TENM4: variants seen among roughly 807,000 people sequenced by gnomAD.
The protein encoded by TENM4 is teneurin transmembrane protein 4, also known as teneurin-4.
A neutral mutation model predicts 243.3 loss-of-function variants in TENM4; 82 were observed. That is an observed-to-expected ratio of 0.34 (90% confidence interval 0.28 to 0.40). TENM4 has a LOEUF of 0.40. Ranked by LOEUF, TENM4 falls within the 10% of genes least tolerant of loss-of-function variation. TENM4 has a pLI of 1.00. For synonymous variants in TENM4, 1,412 were observed against 1,456.3 expected (o/e 0.97, Z 0.69); for missense variants, 3,138 against 3,673.3 (o/e 0.85, Z 3.77).
intron 3 of TENM4, among the ~76,000 whole-genome samples, chr11:79,154,973 A>G (rs1019469717): frequency 2.3e-4 from 35 of 152,148 alleles, no homozygotes; most frequent in African/African-American, 7.7e-4. Context: ...GAATGAGTGC[A>G]TTTCCATGCA....
intron 2 of TENM4, among the ~76,000 whole-genome samples, chr11:79,281,177 A>G (rs1297789212): frequency 6.6e-6 from 1 of 152,130 alleles, no homozygotes; most frequent in Non-Finnish European, 1.5e-5. Context: ...ACTCCTTAGC[A>G]CCTTTGATAT....
intron 4 of TENM4, among the ~76,000 whole-genome samples, chr11:79,111,891 ATT>A (rs1591291230): frequency 1.3e-5 from 2 of 152,330 alleles, no homozygotes; most frequent in East Asian, 3.9e-4. Context: ...GCTTGAAAGA[ATT>A]TATTAGATGA....
chr11:78,787,220 T>A, intron 15 of TENM4, 137 bp from the exon 16 acceptor site: 1 of 1,031,260 alleles, frequency 9.7e-7, no homozygotes, highest in Non-Finnish European at 1.4e-6. Flanking sequence ...CACACTTGGC[T>A]ACATACCTGG....
At chr11:78,964,110 T>C (rs1857392721) in intron 6 of TENM4, among the ~76,000 whole-genome samples, 1 of 150,178 alleles carries the variant, frequency 6.7e-6, no homozygotes, top group Non-Finnish European at 1.5e-5. Flanking sequence ...TGGTGTGATC[T>C]TGGCTCACTG....
At chr11:78,832,849 C>T (rs1858014310) in intron 12 of TENM4, among the ~76,000 whole-genome samples, 1 of 152,222 alleles carries the variant, frequency 6.6e-6, no homozygotes, top group Admixed American at 6.5e-5. Flanking sequence ...GGAAAGGCTG[C>T]TAAATTGTCG....
chr11:78,890,442 G>A (rs755333778), intron 8 of TENM4, among the ~76,000 whole-genome samples: 5 of 152,202 alleles, frequency 3.3e-5, no homozygotes, highest in Admixed American at 6.5e-5. Flanking sequence ...GAGATAATGA[G>A]ACTTAAAATT....
At chr11:79,431,233 T>C (rs1859162462) in intron 1 of TENM4, among the ~76,000 whole-genome samples, 1 of 152,238 alleles carries the variant, frequency 6.6e-6, no homozygotes, top group African/African-American at 2.4e-5. Flanking sequence ...GTATAGTGTT[T>C]AGTATTTTTT....
At chr11:78,867,591 T>C (rs1859014632) in intron 9 of TENM4, among the ~76,000 whole-genome samples, 1 of 152,222 alleles carries the variant, frequency 6.6e-6, no homozygotes, top group Non-Finnish European at 1.5e-5. Context: ...GAAATACATA[T>C]GATCGAGTGG....
At chr11:79,212,322 T>C (rs1863969758) in intron 3 of TENM4, among the ~76,000 whole-genome samples, 1 of 152,210 alleles carries the variant, frequency 6.6e-6, no homozygotes, top group South Asian at 2.1e-4. Context: ...AGCACCCATT[T>C]TCTTGTCACC....
intron 4 of TENM4, among the ~76,000 whole-genome samples, chr11:79,130,767 G>A (rs1272109767): frequency 6.6e-6 from 1 of 152,120 alleles, no homozygotes; most frequent in Admixed American, 6.5e-5. Context: ...AGCTTGCAGT[G>A]AGCCGAGATT....
intron 3 of TENM4, among the ~76,000 whole-genome samples, chr11:79,215,249 T>C (rs2135225065): frequency 6.6e-6 from 1 of 152,312 alleles, no homozygotes; most frequent in South Asian, 2.1e-4. Flanking sequence ...TTTCATTGCT[T>C]TTCTGCACAG....
chr11:79,193,661 C>T (rs1863563770), intron 3 of TENM4, among the ~76,000 whole-genome samples: 1 of 152,186 alleles, frequency 6.6e-6, no homozygotes, highest in Admixed American at 6.5e-5. Context: ...TGACACTTAC[C>T]AAAGAGTGAA....
intron 1 of TENM4, among the ~76,000 whole-genome samples, chr11:79,350,393 A>G (rs1857394443): frequency 6.7e-6 from 1 of 150,358 alleles, no homozygotes; most frequent in Non-Finnish European, 1.5e-5. Flanking sequence ...CTTGCCCAGA[A>G]TACTGTCACA....
At position 79,194,163 on chromosome 11, in the gene TENM4, G is replaced by A. The variant is rs544240725; in HGVS notation, c.-163+21645C>T. Among the ~76,000 whole-genome samples, 21 of 151,906 alleles carry A rather than the reference G, an allele frequency of 1.4e-4. No homozygotes were observed. In the East Asian group the frequency reaches 3.7e-3, roughly 27 times the overall value. On this transcript the variant is annotated intron_variant, in intron 3 of 33. Coordinates refer to ENST00000278550, the MANE Select transcript of TENM4 (RefSeq NM_001098816.3). ...CTCTTGCTGCCGCCACGTTAGAAGC[G>A]CCTTTTGCCTCCCACCATGATTCTG...
chr11:79,164,090 TGTATATATA>T (rs1301498413), intron 3 of TENM4, among the ~76,000 whole-genome samples: 17 of 114,142 alleles, frequency 1.5e-4, no homozygotes, highest in South Asian at 5.1e-4. Flanking sequence ...ATATATACTA[TGTATATATA>T]GTATATATAC....
chr11:79,259,961 G>A (rs182704283), intron 2 of TENM4, among the ~76,000 whole-genome samples: 14 of 152,308 alleles, frequency 9.2e-5, no homozygotes, highest in African/African-American at 3.1e-4. Context: ...GCTATGTGAT[G>A]CAGGAAACTG....
At chr11:78,771,367 A>G (rs1156793946) in intron 17 of TENM4, among the ~76,000 whole-genome samples, 3 of 152,214 alleles carry the variant, frequency 2.0e-5, no homozygotes, top group Non-Finnish European at 4.4e-5. Context: ...CAGAAGCGGC[A>G]GGGACAGGGC....
intron 6 of TENM4, among the ~76,000 whole-genome samples, chr11:79,028,977 C>T (rs1859157216): frequency 6.6e-6 from 1 of 152,144 alleles, no homozygotes; most frequent in Non-Finnish European, 1.5e-5. Flanking sequence ...CCTAAAGAGT[C>T]TTGAGAAATT....
chr11:79,295,896 A>AACACACACACAC (rs199711050), intron 2 of TENM4, among the ~76,000 whole-genome samples: 2,279 of 130,862 alleles, frequency 0.017, 47 homozygotes, highest in African/African-American at 0.044. Context: ...CCAGGGATTA[A>AACACACACACAC]ACACACACAC....
Sources: gnomAD v4.1 joint callset for allele counts (sites outside exome capture counted in the v4.1 genomes callset) on GRCh38, gnomAD v4.1.1 for gene constraint, MANE v1.5 for transcripts, NCBI Gene and HGNC (gene_info 2026-07-23, HGNC 2026-07-21) for gene names.